Variants in DYRK4 observed in about 807,000 individuals in gnomAD.
DYRK4 encodes the protein dual specificity tyrosine-phosphorylation-regulated kinase 4.
In DYRK4, 64 loss-of-function variants were observed where a neutral mutation model predicts 68.3. The observed-to-expected ratio is 0.94, with a 90% CI of 0.77 to 1.15. DYRK4 has a LOEUF of 1.15. Ranked by LOEUF, DYRK4 falls within the 50% of genes most tolerant of loss-of-function variation. DYRK4 has a pLI of 0.00. For synonymous variants in DYRK4, 274 were observed against 289.9 expected, an observed-to-expected ratio of 0.95 and a Z score of 0.56; for missense variants, 740 against 764.7, an observed-to-expected ratio of 0.97 and a Z score of 0.38.
At chr12:4,572,326 G>A (rs553107614) in intron 2 of DYRK4, among the ~76,000 whole-genome samples, 1 of 152,228 alleles carries the variant, frequency 6.6e-6, no homozygotes. Flanking sequence ...CTGTCGCCCA[G>A]GCTGGAGTGC....
chr12:4,575,929 T>C (rs1944784693), intron 2 of DYRK4, among the ~76,000 whole-genome samples: 1 of 152,228 alleles, frequency 6.6e-6, no homozygotes, highest in South Asian at 2.1e-4. Context: ...AAGTACACTT[T>C]CCATATAACC....
At chr12:4,589,319 G>A (rs1246525733) in intron 3 of DYRK4, among the ~76,000 whole-genome samples, 1 of 152,100 alleles carries the variant, frequency 6.6e-6, no homozygotes, top group Non-Finnish European at 1.5e-5. Flanking sequence ...CATGGAAAAT[G>A]GGGTATTTGT....
intron 2 of DYRK4, among the ~76,000 whole-genome samples, chr12:4,578,002 A>C (rs539869793): frequency 6.6e-6 from 1 of 152,278 alleles, no homozygotes; most frequent in South Asian, 2.1e-4. Flanking sequence ...CTTTTATACA[A>C]TCTTGGGTTT....
chr12:4,613,682 T>C lies in DYRK4; in HGVS notation c.1834T>C (p.Ser612Pro). 1 of 1,612,696 alleles carries C rather than the reference T, an allele frequency of 6.2e-7. No individual in the cohort carries two copies. Among genetic ancestry groups the C allele is most frequent in the Non-Finnish European group, 8.5e-7 (1 of 1,178,776 alleles). ...AGAGGCAGCTGTCGGGGCGGAGGTG[T>C]CCATGACCTCCCCAGGACAGAGCAA... ...KSEAAVGAEV[S>P]MTSPGQSKNF... Residue 612 changes from serine (S) to proline (P), a missense_variant, in exon 15 of 15, where the codon TCC becomes CCC. Coordinates refer to ENST00000543431, the MANE Select transcript of DYRK4 (RefSeq NM_001394779.1). The surrounding 1 kb of genome is among the most constrained non-coding windows in gnomAD (Gnocchi z 4.0).
At chr12:4,612,851 T>TTC in intron 14 of DYRK4, 133 bp downstream of exon 14, 1 of 955,236 alleles carries the variant, frequency 1.0e-6, no homozygotes, top group East Asian at 2.6e-5. Context: ...GTTTTTAATA[T>TTC]TCTGTTTAAT....
intron 2 of DYRK4, among the ~76,000 whole-genome samples, chr12:4,586,999 A>G (rs1005480625): frequency 6.6e-6 from 1 of 152,262 alleles, no homozygotes; most frequent in Non-Finnish European, 1.5e-5. Flanking sequence ...TAGTGGAACC[A>G]GGAATCAAAA....
chr12:4,570,989 G>A (rs750362395), intron 2 of DYRK4, among the ~76,000 whole-genome samples: 20 of 152,146 alleles, frequency 1.3e-4, no homozygotes, highest in Non-Finnish European at 2.6e-4. Context: ...TGTATTTGTC[G>A]TAACTGCCGG....
intron 2 of DYRK4, chr12:4,573,227 G>A: frequency 1.0e-6 from 1 of 957,818 alleles, no homozygotes; most frequent in Non-Finnish European, 1.4e-6. Context: ...TAGAATCAGT[G>A]GCTCAATGAA....
chr12:4,600,326 C>T (rs979093652), intron 10 of DYRK4, among the ~76,000 whole-genome samples: 14 of 151,974 alleles, frequency 9.2e-5, no homozygotes, highest in African/African-American at 7.3e-5. Flanking sequence ...TACCATTCAA[C>T]AGACATTTGT....
rs1467116333 is a variant in DYRK4, at chr12:4,599,732, G to A, written c.1070G>A (p.Gly357Asp). 1.2e-6 allele frequency: 2 copies of A among 1,613,970 alleles called. No individual in the cohort carries two copies. Among genetic ancestry groups the A allele is most frequent in the East Asian group, 2.2e-5 (1 of 44,876 alleles). ...KPENIVLYQK[G>D]QASVKVIDFG... is the part of the protein sequence containing the mutation. ...GAAAATATAGTGCTATACCAAAAGG[G>A]CCAAGCCTCTGTTAAAGTCATTGAC... The change falls in exon 10 of 15, where the codon GGC becomes GAC. Residue 357 changes from glycine to aspartate, a missense_variant. By Grantham distance (94) the Gly-to-Asp change is moderately conservative. Transcript: ENST00000543431.
chr12:4,573,440 C>T (rs1231491683), intron 2 of DYRK4: 2 of 1,268,516 alleles, frequency 1.6e-6, no homozygotes, highest in Non-Finnish European at 2.1e-6. Flanking sequence ...TTGAAATTAC[C>T]TTTGGTTTCT....
chr12:4,588,555 C>T (rs373650425), intron 2 of DYRK4, among the ~76,000 whole-genome samples: 2 of 152,200 alleles, frequency 1.3e-5, no homozygotes, highest in African/African-American at 4.8e-5. Context: ...GAGCCACACT[C>T]AGGGCGAAAA....
At chr12:4,597,174 GATATTTTT>G in intron 8 of DYRK4, 1 of 1,026,002 alleles carries the variant, frequency 9.7e-7, no homozygotes, top group Non-Finnish European at 1.2e-6. Context: ...GACAAGAGCA[GATATTTTT>G]GGTAAGAGAG....
intron 6 of DYRK4, among the ~76,000 whole-genome samples, chr12:4,594,176 C>T (rs980870811): frequency 3.2e-4 from 48 of 152,240 alleles, no homozygotes; most frequent in African/African-American, 1.1e-3. Context: ...AGACAACCTG[C>T]GCATACATAA....
chr12:4,604,631 T>C (rs1945119224), intron 10 of DYRK4, among the ~76,000 whole-genome samples: 2 of 152,244 alleles, frequency 1.3e-5, no homozygotes, highest in Non-Finnish European at 2.9e-5. Flanking sequence ...TTATGTTTTG[T>C]TTGTTTGTTA....
chr12:4,580,863 C>A (rs566581148), intron 2 of DYRK4: 22 of 455,634 alleles, frequency 4.8e-5, no homozygotes, highest in African/African-American at 3.8e-4. Context: ...ACAGGAAAAT[C>A]GCCTGTGAAG....
intron 2 of DYRK4, among the ~76,000 whole-genome samples, chr12:4,574,045 G>A (rs1253435168): frequency 1.3e-5 from 2 of 152,108 alleles, no homozygotes; most frequent in South Asian, 2.1e-4. Context: ...CTAACACGGT[G>A]AAACCGCATC....
intron 12 of DYRK4, among the ~76,000 whole-genome samples, chr12:4,609,786 A>G (rs1449365638): frequency 6.6e-6 from 1 of 152,244 alleles, no homozygotes; most frequent in African/African-American, 2.4e-5. Flanking sequence ...GTACAATTTC[A>G]CAGGACCTTG....
At position 4,612,760 on chromosome 12, in the gene DYRK4, G is replaced by A. The variant is rs149990649; in HGVS notation, c.1666+42G>A. ...AACCAGTCCTAGTCCCACAGTCCGG[G>A]AATTAATATTCTAGAATTCTGTAAA... On this transcript the variant is annotated intron_variant, in intron 14 of 14. Transcript: ENST00000543431. 3.8e-3 allele frequency: 6,093 copies of A among 1,598,420 alleles called. 19 individuals are homozygous for A. Among genetic ancestry groups the A allele is most frequent in the Non-Finnish European group, 3.9e-3 (4,590 of 1,166,170 alleles).
Sources: gnomAD v4.1 joint callset for allele counts (sites outside exome capture counted in the v4.1 genomes callset) on GRCh38, gnomAD v4.1.1 for gene constraint, Gnocchi (gnomAD v3.1) non-coding constraint, MANE v1.5 for transcripts, NCBI Gene and HGNC (gene_info 2026-07-23, HGNC 2026-07-21) for gene names.